Variants in TMEM272 observed in about 807,000 individuals in gnomAD.
TMEM272 encodes long intergenic non-protein coding RNA 282.
TMEM272 carries 8 observed loss-of-function variants against 3.7 expected under a neutral mutation model. The observed-to-expected ratio is 2.17, with a 90% CI of 1.27 to 3.91. The LOEUF (loss-of-function observed/expected upper bound fraction) is 3.91, where lower values mean the gene tolerates loss of function less well. TMEM272 is among the 30% of genes most tolerant of loss of function. The probability of loss-of-function intolerance (pLI) is 0.00; values close to 1 mark genes in which losing one functional copy is unlikely to be tolerated. For missense variants in TMEM272, 166 were observed against 91.5 expected (o/e 1.81, Z -3.32); for synonymous variants, 63 against 39.8 (o/e 1.58, Z -2.20).
At chr13:51,911,745 T>C in the TMEM272 span, among the ~76,000 whole-genome samples, 2 of 152,166 alleles carry the variant, frequency 1.3e-5, no homozygotes, top group Admixed American at 6.5e-5. Flanking sequence ...GGTGTTCACA[T>C]TGAAACAGAG....
At chr13:51,861,466 T>G in the TMEM272 span, among the ~76,000 whole-genome samples, 1 of 151,988 alleles carries the variant, frequency 6.6e-6, no homozygotes, top group Non-Finnish European at 1.5e-5. Flanking sequence ...AATGAAAAAT[T>G]AAAGAGGGAT....
the TMEM272 span, among the ~76,000 whole-genome samples, chr13:51,900,376 G>T: frequency 6.6e-6 from 1 of 152,292 alleles, no homozygotes; most frequent in African/African-American, 2.4e-5. Context: ...ACCATGGAAA[G>T]ATGCTCAACA....
the TMEM272 span, among the ~76,000 whole-genome samples, chr13:51,927,185 G>A: frequency 1.3e-5 from 2 of 152,014 alleles, no homozygotes; most frequent in Non-Finnish European, 2.9e-5. Context: ...AGGAGAAAAT[G>A]GAAGTTTATA....
the TMEM272 span, among the ~76,000 whole-genome samples, chr13:51,873,673 T>C: frequency 1.3e-5 from 2 of 152,188 alleles, no homozygotes; most frequent in Non-Finnish European, 2.9e-5. Context: ...TGGGATGTTC[T>C]TCCCTCAGCC....
the TMEM272 span, among the ~76,000 whole-genome samples, chr13:51,923,716 G>C: frequency 6.6e-6 from 1 of 150,712 alleles, no homozygotes; most frequent in South Asian, 2.1e-4. Context: ...AAGAGGGGAG[G>C]GGAGGAGAGG....
chr13:51,826,551 C>T lies in TMEM272; in HGVS notation c.118+15G>A, dbSNP rs554897780. ...GGCTGACCTGTGGCGTCCAGCAGCT[C>T]GGAAGGCAGCTTACCTATGAAGGTC... On this transcript the variant is annotated intron_variant, in intron 3 of 4. Coordinates refer to ENST00000629372, the MANE Select transcript of TMEM272 (RefSeq NM_001351003.2). The T allele has an allele frequency of 1.7e-5, 12 of 702,540 alleles. No homozygotes were observed. Among genetic ancestry groups the T allele is most frequent in the Non-Finnish European group, 2.6e-5 (10 of 384,988 alleles). 43.5% of individuals were successfully genotyped at this position (702,540 alleles called of 1,614,324 possible).
At chr13:51,866,847 A>G in the TMEM272 span, among the ~76,000 whole-genome samples, 4 of 152,308 alleles carry the variant, frequency 2.6e-5, no homozygotes, top group East Asian at 5.8e-4. Context: ...TCCCACTCAC[A>G]TAAGTCTCAT....
chr13:51,918,419 G>A, the TMEM272 span, among the ~76,000 whole-genome samples: 592 of 152,156 alleles, frequency 3.9e-3, 1 homozygote, highest in Middle Eastern at 0.014. Flanking sequence ...CATGGCATCC[G>A]GGATTTACTT....
the TMEM272 span, among the ~76,000 whole-genome samples, chr13:51,888,639 C>CTTTTTTTTTTTTTTTTTTTTTTTTTTTT: frequency 5.1e-4 from 39 of 76,792 alleles, no homozygotes; most frequent in Non-Finnish European, 8.3e-4. Context: ...TTTTCTTTTT[C>CTTTTTTTTTTTTTTTTTTTTTTTTTTTT]TTTTTTTTTT....
At position 51,845,045 on chromosome 13, in the gene TMEM272, G is replaced by T. The variant is rs1259369116; in HGVS notation, c.-53C>A. ...GCTAAGCAGAGTGGGATCCAGAATC[G>T]GGCAGCACTCAGCACCTCTGTGGTC... On this transcript the variant is annotated 5_prime_UTR_variant, in exon 1 of 5. Transcript: ENST00000629372. 6.6e-6 allele frequency: 1 copy of T among 152,210 alleles called. No homozygotes were observed. Among genetic ancestry groups the T allele is most frequent in the Non-Finnish European group, 1.5e-5 (1 of 68,066 alleles). The allele number at this position is 152,210 out of a possible 1,614,324, so 9.4% of individuals were successfully genotyped here. A position where few individuals can be genotyped will look rare whatever the true frequency, so the allele number is the denominator to read the frequency against.
At chr13:51,861,267 T>C in the TMEM272 span, among the ~76,000 whole-genome samples, 1 of 152,072 alleles carries the variant, frequency 6.6e-6, no homozygotes, top group Non-Finnish European at 1.5e-5. Context: ...GGATAAATAA[T>C]TTAGAGATCT....
chr13:51,876,755 T>G, the TMEM272 span, among the ~76,000 whole-genome samples: 3 of 152,212 alleles, frequency 2.0e-5, no homozygotes, highest in South Asian at 4.1e-4. Context: ...TTTGCTCACT[T>G]GTTTTTGCAT....
the TMEM272 span, among the ~76,000 whole-genome samples, chr13:51,862,896 T>C: frequency 6.6e-6 from 1 of 152,240 alleles, no homozygotes; most frequent in African/African-American, 2.4e-5. Flanking sequence ...CCCTCCTATA[T>C]AGGCGGCGTT....
At position 51,845,034 on chromosome 13, in the gene TMEM272, G is replaced by A. The variant is rs1956292899; in HGVS notation, c.-42C>T. 6.6e-6 allele frequency: 1 copy of A among 152,246 alleles called. No homozygotes were observed. The highest frequency in any genetic ancestry group is 6.5e-5 in the Admixed American group (1 of 15,284). The allele number at this position is 152,246 out of a possible 1,614,324, so 9.4% of individuals were successfully genotyped here. On this transcript the variant is annotated 5_prime_UTR_variant, in exon 1 of 5. Coordinates refer to ENST00000629372, the MANE Select transcript of TMEM272 (RefSeq NM_001351003.2). Reference sequence around the variant, plus strand: ...GACTCACCTGAGCTAAGCAGAGTGGGATCCAGAATCGGGCAGCACTCAGCA... The same window carrying A: ...GACTCACCTGAGCTAAGCAGAGTGGAATCCAGAATCGGGCAGCACTCAGCA...
At chr13:51,899,341 GTTA>G in the TMEM272 span, among the ~76,000 whole-genome samples, 3 of 151,366 alleles carry the variant, frequency 2.0e-5, no homozygotes, top group Non-Finnish European at 3.0e-5. Flanking sequence ...AATATATACA[GTTA>G]TTATGTGTCA....
chr13:51,894,821 G>A, the TMEM272 span, among the ~76,000 whole-genome samples: 1 of 151,938 alleles, frequency 6.6e-6, no homozygotes, highest in Admixed American at 6.6e-5. Flanking sequence ...TTATTACATT[G>A]TAATATATAA....
the TMEM272 span, among the ~76,000 whole-genome samples, chr13:51,875,758 C>T: frequency 6.6e-6 from 1 of 152,240 alleles, no homozygotes; most frequent in Non-Finnish European, 1.5e-5. Flanking sequence ...AGCCCACATA[C>T]AGCCTCCTGG....
the TMEM272 span, among the ~76,000 whole-genome samples, chr13:51,850,999 GT>G: frequency 6.6e-6 from 1 of 152,126 alleles, no homozygotes; most frequent in African/African-American, 2.4e-5. Context: ...TCCTTCCTCT[GT>G]AGGGGTATGG....
At chr13:51,822,599 G>A (rs1191445770) in intron 3 of TMEM272, among the ~76,000 whole-genome samples, 1 of 152,022 alleles carries the variant, frequency 6.6e-6, no homozygotes, top group East Asian at 1.9e-4. Context: ...TCTGCTTCCA[G>A]GGGCCAGGTG....
Sources: gnomAD v4.1 joint callset for allele counts (sites outside exome capture counted in the v4.1 genomes callset) on GRCh38, gnomAD v4.1.1 for gene constraint, MANE v1.5 for transcripts, NCBI Gene and HGNC (gene_info 2026-07-23, HGNC 2026-07-21) for gene names.